Variants in TBC1D5 observed in about 807,000 individuals in gnomAD.
TBC1D5 encodes the protein TBC1 domain family member 5, also known as TBC1 domain family, member 5.
TBC1D5 carries 75 observed loss-of-function variants against 100.3 expected under a neutral mutation model. The ratio of observed to expected loss-of-function variants is 0.75; its 90% CI spans 0.62 to 0.91. The LOEUF (loss-of-function observed/expected upper bound fraction) is 0.91. Among genes scored for constraint, TBC1D5 ranks in the 40% least tolerant of loss-of-function variants. The probability of loss-of-function intolerance (pLI) is 0.00; values close to 1 mark genes in which losing one functional copy is unlikely to be tolerated. For synonymous variants in TBC1D5, 323 were observed against 325.6 expected, an observed-to-expected ratio of 0.99 and a Z score of 0.09; for missense variants, 910 against 942.4, an observed-to-expected ratio of 0.97 and a Z score of 0.45.
chr3:17,502,235 T>C (rs2095795661), intron 3 of TBC1D5, among the ~76,000 whole-genome samples: 1 of 149,872 alleles, frequency 6.7e-6, no homozygotes, highest in Admixed American at 6.6e-5. Context: ...ATAATTCACT[T>C]ATATGAAATA....
At chr3:17,378,088 A>G (rs980447438) in intron 9 of TBC1D5, among the ~76,000 whole-genome samples, 1 of 151,900 alleles carries the variant, frequency 6.6e-6, no homozygotes, top group Non-Finnish European at 1.5e-5. Context: ...TAAGTATTGT[A>G]TTAATAGAAA....
At chr3:17,462,322 ATTTTT>A (rs527597868) in intron 3 of TBC1D5, among the ~76,000 whole-genome samples, 1 of 132,658 alleles carries the variant, frequency 7.5e-6, no homozygotes, top group Non-Finnish European at 1.6e-5. Flanking sequence ...TCGGACCTTA[ATTTTT>A]TTTTTTTTTT....
At chr3:17,716,578 T>G (rs1436435711) in intron 1 of TBC1D5, among the ~76,000 whole-genome samples, 1 of 148,560 alleles carries the variant, frequency 6.7e-6, no homozygotes, top group African/African-American at 2.6e-5. Flanking sequence ...TTTCATATAG[T>G]TTTTTTTAAC....
At chr3:17,315,329 A>G (rs1652968356) in intron 13 of TBC1D5, among the ~76,000 whole-genome samples, 1 of 152,356 alleles carries the variant, frequency 6.6e-6, no homozygotes, top group South Asian at 2.1e-4. Context: ...AATAAAAAGT[A>G]GGGATACAAA....
intron 15 of TBC1D5, among the ~76,000 whole-genome samples, chr3:17,277,548 T>C (rs2080154996): frequency 6.6e-6 from 1 of 152,218 alleles, no homozygotes; most frequent in African/African-American, 2.4e-5. Context: ...TCAAACTCGG[T>C]ATTCCAACCA....
At chr3:17,438,211 T>C (rs962627835) in intron 3 of TBC1D5, among the ~76,000 whole-genome samples, 1 of 152,168 alleles carries the variant, frequency 6.6e-6, no homozygotes, top group African/African-American at 2.4e-5. Flanking sequence ...ACTTAGCACA[T>C]AAACAACAAA....
At chr3:17,738,772 T>C (rs1018544860) in intron 1 of TBC1D5, among the ~76,000 whole-genome samples, 12 of 152,192 alleles carry the variant, frequency 7.9e-5, no homozygotes, top group Non-Finnish European at 1.5e-4. Flanking sequence ...TCTATCCTAA[T>C]ATTCCAAAAG....
intron 15 of TBC1D5, 79 bp from the exon 16 acceptor site, chr3:17,258,670 T>A: frequency 9.2e-7 from 1 of 1,087,398 alleles, no homozygotes; most frequent in Non-Finnish European, 1.4e-6. Context: ...ATGATCATTT[T>A]AATATCCCTT....
At chr3:17,448,410 C>T (rs2094848281) in intron 3 of TBC1D5, among the ~76,000 whole-genome samples, 1 of 152,186 alleles carries the variant, frequency 6.6e-6, no homozygotes, top group South Asian at 2.1e-4. Flanking sequence ...ATTATGATGA[C>T]TCCTTTCCAG....
chr3:17,409,232 C>A (rs1396191202), intron 4 of TBC1D5, among the ~76,000 whole-genome samples: 1 of 152,154 alleles, frequency 6.6e-6, no homozygotes. Flanking sequence ...ATTTCCAACT[C>A]TTTCATTATA....
chr3:17,442,055 A>G (rs12106770), intron 3 of TBC1D5, among the ~76,000 whole-genome samples: 13,864 of 152,216 alleles, frequency 0.091, 1,433 homozygotes, highest in African/African-American at 0.26. Context: ...GGAGAAGAAA[A>G]TCAGTGGTGT....
intron 16 of TBC1D5, among the ~76,000 whole-genome samples, chr3:17,247,010 C>T (rs1334726326): frequency 6.6e-6 from 1 of 152,114 alleles, no homozygotes; most frequent in African/African-American, 2.4e-5. Context: ...ATGGTAAACA[C>T]CTGTTTTTTT....
At chr3:17,281,172 C>T (rs945058758) in intron 15 of TBC1D5, among the ~76,000 whole-genome samples, 1 of 152,304 alleles carries the variant, frequency 6.6e-6, no homozygotes, top group South Asian at 2.1e-4. Context: ...TACATCTTTA[C>T]GTGTTTCAAC....
intron 3 of TBC1D5, among the ~76,000 whole-genome samples, chr3:17,454,579 C>A (rs539336144): frequency 1.3e-5 from 2 of 152,260 alleles, no homozygotes; most frequent in African/African-American, 4.8e-5. Context: ...CCTGCCTCAG[C>A]CTCCTGAGTA....
In TBC1D5 at chr3:17,570,274, T is replaced by C. The variant is rs573208516; in HGVS notation, c.-36+53575A>G. ...TATGGTTTCAGTATTATCAGAAGCA[T>C]TGTCAAATGCCTATCATTTCCCAGC... On this transcript the variant is annotated intron_variant, in intron 2 of 21. Coordinates refer to ENST00000253692, the Ensembl canonical transcript of TBC1D5. Among the ~76,000 whole-genome samples, 8 of 152,136 alleles carry C rather than the reference T, an allele frequency of 5.3e-5. No homozygotes were observed. The East Asian group carries it at 1.4e-3, about 26-fold the overall frequency.
At chr3:17,296,331 G>A (rs969511759) in intron 14 of TBC1D5, among the ~76,000 whole-genome samples, 3 of 152,148 alleles carry the variant, frequency 2.0e-5, no homozygotes. Flanking sequence ...CCAGACACCT[G>A]GCATAGAGAA....
intron 3 of TBC1D5, among the ~76,000 whole-genome samples, chr3:17,470,763 T>G (rs1165820465): frequency 6.6e-6 from 1 of 151,758 alleles, no homozygotes; most frequent in Non-Finnish European, 1.5e-5. Flanking sequence ...CTATTAAAAA[T>G]ACAAAAAAAT....
At chr3:17,421,086 A>G (rs1352451036) in intron 4 of TBC1D5, among the ~76,000 whole-genome samples, 1 of 152,208 alleles carries the variant, frequency 6.6e-6, no homozygotes, top group African/African-American at 2.4e-5. Flanking sequence ...TTCAAAATAG[A>G]GGGTAACATT....
At chr3:17,689,262 G>A (rs746786198) in intron 1 of TBC1D5, among the ~76,000 whole-genome samples, 2 of 152,044 alleles carry the variant, frequency 1.3e-5, no homozygotes, top group African/African-American at 2.4e-5. Flanking sequence ...AACAAAGTCC[G>A]GGCACAATGG....
Sources: gnomAD v4.1 joint callset for allele counts (sites outside exome capture counted in the v4.1 genomes callset) on GRCh38, gnomAD v4.1.1 for gene constraint, MANE v1.5 for transcripts, NCBI Gene and HGNC (gene_info 2026-07-23, HGNC 2026-07-21) for gene names.